Variants in ZFYVE26 observed in about 807,000 individuals in gnomAD.
The protein encoded by ZFYVE26 is zinc finger FYVE domain-containing protein 26.
Under a neutral mutation model 276.5 loss-of-function variants are expected in ZFYVE26, and 181 were observed. That is an observed-to-expected ratio of 0.65 (90% CI 0.58 to 0.74). The LOEUF is 0.74. Ranked by LOEUF, ZFYVE26 falls within the 30% of genes least tolerant of loss-of-function variation. The pLI is 0.00. For synonymous variants in ZFYVE26, 1,129 were observed against 1,203.1 expected (o/e 0.94, Z 1.27); for missense variants, 2,821 against 3,097.9 (o/e 0.91, Z 2.12).
chr14:67,794,830 C>G (rs1479911583), intron 12 of ZFYVE26, among the ~76,000 whole-genome samples: 1 of 152,094 alleles, frequency 6.6e-6, no homozygotes, highest in African/African-American at 2.4e-5. Context: ...CACCTGTAGT[C>G]CCAGCTACCC....
intron 23 of ZFYVE26, among the ~76,000 whole-genome samples, chr14:67,778,659 C>A (rs1455616191): frequency 6.6e-6 from 1 of 152,002 alleles, no homozygotes; most frequent in East Asian, 1.9e-4. Flanking sequence ...TTCTGTAGAC[C>A]AATACTACAA....
chr14:67,736,677 T>C (rs2092689), intron 13 of ZFYVE26, among the ~76,000 whole-genome samples: 1 of 152,230 alleles, frequency 6.6e-6, no homozygotes, highest in East Asian at 1.9e-4. Context: ...AGTCAAGTGA[T>C]AATGGTGAAC....
rs2039542246 is a variant in ZFYVE26, at chr14:67,782,947, A to G, written c.4205T>C (p.Leu1402Pro). The change falls in exon 21 of 42, where the codon CTG becomes CCG. Residue 1402 changes from leucine to proline, a missense_variant. By Grantham distance (98) the Leu-to-Pro change is moderately conservative (BLOSUM62 -3). Coordinates refer to ENST00000347230, the MANE Select transcript of ZFYVE26 (RefSeq NM_015346.4). ...TAGGGCAATGGGAGAATGTAGGCCC[A>G]GGAGAACGGTAGAAAGACTGGCCCA... Reference protein sequence around the residue: ...CGWASLSTVLLGLHSPIALDV... With the variant: ...CGWASLSTVLPGLHSPIALDV... 1 of 1,614,214 alleles carries G rather than the reference A, an allele frequency of 6.2e-7. No individual in the cohort carries two copies. Among genetic ancestry groups the G allele is most frequent in the East Asian group, 2.2e-5 (1 of 44,882 alleles).
downstream of ZFYVE26, among the ~76,000 whole-genome samples, chr14:67,746,099 T>C (rs776425090): frequency 7.2e-5 from 11 of 152,142 alleles, no homozygotes; most frequent in Non-Finnish European, 1.6e-4. Flanking sequence ...TGTCCATCAT[T>C]AGAAACTGGT....
At chr14:67,790,207 C>A (rs1209123199) in intron 15 of ZFYVE26, among the ~76,000 whole-genome samples, 1 of 152,208 alleles carries the variant, frequency 6.6e-6, no homozygotes, top group Non-Finnish European at 1.5e-5. Context: ...CTTTATAGAA[C>A]AGTAAAACAA....
intron 41 of ZFYVE26, 195 bp downstream of exon 41, chr14:67,750,857 G>T: frequency 1.4e-6 from 1 of 699,858 alleles, no homozygotes; most frequent in Non-Finnish European, 2.5e-6. Flanking sequence ...GACGCATGCA[G>T]TCCATGTTCA....
chr14:67,768,436 T>C lies in ZFYVE26; in HGVS notation c.5653+81A>G, dbSNP rs2039116341. ...GGAGTGCATAAGTTGGACAAGTATA[T>C]CAGTCACAGCTGATATGCTGAAGAT... On this transcript the variant is annotated intron_variant, in intron 30 of 41. Coordinates refer to ENST00000347230, the MANE Select transcript of ZFYVE26 (RefSeq NM_015346.4). 8 of 1,479,406 alleles carry C rather than the reference T, an allele frequency of 5.4e-6. No individual in the cohort carries two copies. The South Asian group carries it at 7.9e-5, about 15-fold the overall frequency. The allele number at this position is 1,479,406 out of a possible 1,614,324, so 91.6% of individuals were successfully genotyped here. A position where few individuals can be genotyped will look rare whatever the true frequency, so the allele number is the denominator to read the frequency against.
At chr14:67,733,702 C>T in intron 13 of ZFYVE26, 2 of 1,309,948 alleles carry the variant, frequency 1.5e-6, no homozygotes, top group African/African-American at 1.4e-5. Context: ...TTCCAGACTG[C>T]TAATTCTCAT....
At chr14:67,790,803 TG>T (rs1335373205) in intron 14 of ZFYVE26, 30 bp from the exon 15 acceptor site, 1 of 1,581,070 alleles carries the variant, frequency 6.3e-7, no homozygotes. Flanking sequence ...GTGTGGGCCC[TG>T]GTGGTCCCAC....
intron 6 of ZFYVE26, among the ~76,000 whole-genome samples, chr14:67,805,861 TCTACTAAAA>T (rs1366698180): frequency 1.3e-5 from 2 of 152,096 alleles, no homozygotes; most frequent in Admixed American, 6.5e-5. Flanking sequence ...AAACCCTATC[TCTACTAAAA>T]ATAGAAAATT....
In ZFYVE26 at chr14:67,768,418, A is replaced by G. The variant is rs1472813385; in HGVS notation, c.5653+99T>C. The G allele has an allele frequency of 7.4e-6, 10 of 1,358,144 alleles. No individual in the cohort carries two copies. The East Asian group carries it at 9.2e-5, about 12-fold the overall frequency. The allele number at this position is 1,358,144 out of a possible 1,614,324, so 84.1% of individuals were successfully genotyped here. The stretch of plus-strand genomic sequence containing the variant: ...TTGGCAAACAAGTTGGATGGAGTGC[A>G]TAAGTTGGACAAGTATATCAGTCAC... On this transcript the variant is annotated intron_variant, in intron 30 of 41. Coordinates refer to ENST00000347230, the MANE Select transcript of ZFYVE26 (RefSeq NM_015346.4).
rs1425426317 is a variant in ZFYVE26, at chr14:67,781,370, A to T, written c.4532T>A (p.Leu1511Gln). The part of the protein sequence containing the change: ...TAVQEGLKCE[L>Q]QRKLAELQVY... ...CTGCAGCTCCGCCAGCTTCCTCTGT[A>T]GCTCACACTTTAGTCCTTCTTGGAC... Residue 1511 changes from leucine to glutamine, a missense_variant, in exon 22 of 42, where the codon CTA becomes CAA. By Grantham distance (113) the Leu-to-Gln change is moderately radical (BLOSUM62 -2). Coordinates refer to ENST00000347230, the MANE Select transcript of ZFYVE26 (RefSeq NM_015346.4). 2 of 1,614,174 alleles carry T rather than the reference A, an allele frequency of 1.2e-6. No homozygotes were observed. The highest frequency in any genetic ancestry group is 2.2e-5 in the South Asian group (2 of 91,082).
chr14:67,736,038 C>T (rs1426180283), intron 13 of ZFYVE26, among the ~76,000 whole-genome samples: 1 of 152,124 alleles, frequency 6.6e-6, no homozygotes, highest in African/African-American at 2.4e-5. Context: ...ATAAGATGGA[C>T]ACTCAGTTTG....
At chr14:67,793,890 A>T (rs1218537927) in intron 13 of ZFYVE26, 131 bp from the exon 14 acceptor site, 54 of 1,300,900 alleles carry the variant, frequency 4.2e-5, no homozygotes, top group Non-Finnish European at 5.6e-5. Context: ...ATAGGTCTTA[A>T]TTTTTCCTCA....
At position 67,761,392 on chromosome 14, in the gene ZFYVE26, C is replaced by T. The variant is rs2038924209; in HGVS notation, c.6562G>A (p.Glu2188Lys). The change falls in exon 35 of 42, where the codon GAA becomes AAA. Residue 2188 changes from glutamate (E) to lysine (K), a missense_variant. Transcript: ENST00000347230. ...TTGTTGAGAAGGTGCAGAAGAGCTTCCCGCAGGCAGCTGTGCCTCACGTAG... is the reference window on the plus strand; with the variant it reads ...TTGTTGAGAAGGTGCAGAAGAGCTTTCCGCAGGCAGCTGTGCCTCACGTAG... ...SFYVRHSCLR[E>K]ALLHLLNKES... 6.2e-7 allele frequency: 1 copy of T among 1,613,490 alleles called. No individual in the cohort carries two copies. Among genetic ancestry groups the T allele is most frequent in the Non-Finnish European group, 8.5e-7 (1 of 1,179,784 alleles).
At chr14:67,740,851 G>GT (rs1272520049) in intron 13 of ZFYVE26, among the ~76,000 whole-genome samples, 2 of 151,646 alleles carry the variant, frequency 1.3e-5, no homozygotes, top group Non-Finnish European at 2.9e-5. Context: ...AGAAGTTGCA[G>GT]TGAGCCGAGA....
chr14:67,761,139 T>C (rs1314835533), intron 35 of ZFYVE26: 1 of 665,554 alleles, frequency 1.5e-6, no homozygotes, highest in East Asian at 2.7e-5. Flanking sequence ...GAATGAAACA[T>C]GCCTTTGCTG....
Position 67,782,810 on chromosome 14 carries a change from C to T in ZFYVE26, c.4342G>A (p.Asp1448Asn). The change falls in exon 21 of 42, where the codon GAT becomes AAT. Residue 1448 changes from aspartate (D) to asparagine (N), a missense_variant. By Grantham distance (23) the Asp-to-Asn change is conservative. Transcript: ENST00000347230. Reference protein sequence around the residue: ...RDVDDLSSIKDAVLSCAVACD... With the variant: ...RDVDDLSSIKNAVLSCAVACD... ...GCCACAGCACAGCTCAGGACTGCAT[C>T]CTTTATGCTGCTCAAATCGTCCACA... 6.2e-7 allele frequency: 1 copy of T among 1,614,242 alleles called. No homozygotes were observed. The highest frequency in any genetic ancestry group is 1.3e-5 in the African/African-American group (1 of 75,062).
intron 12 of ZFYVE26, chr14:67,796,182 A>G (rs2039947779): frequency 6.6e-6 from 1 of 151,652 alleles, no homozygotes; most frequent in Non-Finnish European, 1.5e-5. Context: ...ATGGTTAACT[A>G]TAATCTATTA....
Sources: gnomAD v4.1 joint callset for allele counts (sites outside exome capture counted in the v4.1 genomes callset) on GRCh38, gnomAD v4.1.1 for gene constraint, MANE v1.5 for transcripts, NCBI Gene and HGNC (gene_info 2026-07-23, HGNC 2026-07-21) for gene names.